The following ATP1A1 variants were observed in gnomAD, a reference collection of about 807,000 sequenced individuals.
ATP1A1 encodes ATPase Na+/K+ transporting subunit alpha 1.
Under a neutral mutation model 114.8 loss-of-function variants are expected in ATP1A1, and 14 were observed. The ratio of observed to expected loss-of-function variants is 0.12; its 90% CI spans 0.08 to 0.19. The LOEUF is 0.19. Among genes scored for constraint, ATP1A1 ranks in the 10% least tolerant of loss-of-function variants. The pLI is 1.00. For missense variants in ATP1A1, 524 were observed against 1,290.7 expected (o/e 0.41, Z 9.10); for synonymous variants, 471 against 466.3 (o/e 1.01, Z -0.13).
At chr1:116,386,845 T>C in intron 3 of ATP1A1, among the ~76,000 whole-genome samples, 1 of 152,230 alleles carries the variant, frequency 6.6e-6, no homozygotes, top group Non-Finnish European at 1.5e-5. Flanking sequence ...GAAGTTTTTT[T>C]CTCCTTTGAT....
chr1:116,389,059 T>A lies in ATP1A1; in HGVS notation c.754+40T>A, dbSNP rs746499050. ...GGCACTTTGAGCATGGCGTGGTATTTCTCTTGGGCATTAACAAAATCAAAA... is the reference window on the plus strand; with the variant it reads ...GGCACTTTGAGCATGGCGTGGTATTACTCTTGGGCATTAACAAAATCAAAA... On this transcript the variant is annotated intron_variant, in intron 7 of 22. Coordinates refer to ENST00000295598, the MANE Select transcript of ATP1A1 (RefSeq NM_000701.8). This position sits in a 1 kb window ranked among gnomAD's most constrained non-coding sequence, Gnocchi z 6.9. 1 of 1,535,980 alleles carries A rather than the reference T, an allele frequency of 6.5e-7. No homozygotes were observed. Among genetic ancestry groups the A allele is most frequent in the Non-Finnish European group, 9.0e-7 (1 of 1,112,572 alleles).
At chr1:116,377,700 T>G (rs1651462730) in intron 1 of ATP1A1, among the ~76,000 whole-genome samples, 1 of 152,234 alleles carries the variant, frequency 6.6e-6, no homozygotes, top group Non-Finnish European at 1.5e-5. Context: ...CTGTGCTGAC[T>G]TCTTCTAGCT....
At chr1:116,376,839 A>C (rs1171409828) in intron 1 of ATP1A1, among the ~76,000 whole-genome samples, 2 of 152,248 alleles carry the variant, frequency 1.3e-5, no homozygotes, top group Non-Finnish European at 2.9e-5. Context: ...GTTTGCCCAG[A>C]TGAGGGCTAA....
At position 116,399,206 on chromosome 1, in the gene ATP1A1, A is replaced by T; in HGVS notation, c.2448+122A>T. On this transcript the variant is annotated intron_variant, in intron 17 of 22. Coordinates refer to ENST00000295598, the MANE Select transcript of ATP1A1 (RefSeq NM_000701.8). This position sits in a 1 kb window ranked among gnomAD's most constrained non-coding sequence, Gnocchi z 5.0. The stretch of plus-strand genomic sequence containing the variant: ...GGGAAAAGAAATTCTCAGGACCAGT[A>T]TCCAGTGTGTGTCCCAATCCCGGCT... 1 of 1,460,326 alleles carries T rather than the reference A, an allele frequency of 6.8e-7. No homozygotes were observed. The highest frequency in any genetic ancestry group is 9.4e-7 in the Non-Finnish European group (1 of 1,063,402). 90.5% of individuals were successfully genotyped at this position (1,460,326 alleles called of 1,614,324 possible).
chr1:116,386,258 CTG>C (rs1286846331), intron 3 of ATP1A1: 1 of 151,590 alleles, frequency 6.6e-6, no homozygotes, highest in African/African-American at 2.4e-5. Flanking sequence ...AACAGTGACT[CTG>C]TGCTTACTTT....
Position 116,404,579 on chromosome 1 carries a change from G to C in ATP1A1, c.*135G>C. On this transcript the variant is annotated 3_prime_UTR_variant, in exon 23 of 23. Coordinates refer to ENST00000295598, the MANE Select transcript of ATP1A1 (RefSeq NM_000701.8). The surrounding 1 kb of genome is among the most constrained non-coding windows in gnomAD (Gnocchi z 4.8). ...AGCACCGCAGCATGTGGGGAAGCAA[G>C]ACGTCCTGGAATGAAGCATGTAGCT... 1 of 1,406,234 alleles carries C rather than the reference G, an allele frequency of 7.1e-7. No individual in the cohort carries two copies. The highest frequency in any genetic ancestry group is 9.2e-7 in the Non-Finnish European group (1 of 1,082,132). 87.1% of individuals were successfully genotyped at this position (1,406,234 alleles called of 1,614,324 possible).
At chr1:116,390,711 T>C (rs543908806) in intron 9 of ATP1A1, 71 bp from the exon 10 acceptor site, 3 of 1,263,036 alleles carry the variant, frequency 2.4e-6, no homozygotes, top group Non-Finnish European at 3.4e-6. Flanking sequence ...GGGACTTTAA[T>C]AGGAGAACTG....
At chr1:116,383,258 C>A in intron 1 of ATP1A1, 1 of 628,232 alleles carries the variant, frequency 1.6e-6, no homozygotes, top group Non-Finnish European at 2.0e-6. Flanking sequence ...GCTGGGCGCT[C>A]CCTTTTTTAT....
In ATP1A1 at chr1:116,401,505, A is replaced by G; in HGVS notation, c.2850-49A>G. 6.3e-7 allele frequency: 1 copy of G among 1,580,882 alleles called. No individual in the cohort carries two copies. The highest frequency in any genetic ancestry group is 1.1e-5 in the South Asian group (1 of 90,110). On this transcript the variant is annotated intron_variant, in intron 20 of 22. Coordinates refer to ENST00000295598, the MANE Select transcript of ATP1A1 (RefSeq NM_000701.8). This position sits in a 1 kb window ranked among gnomAD's most constrained non-coding sequence, Gnocchi z 4.7. ...TTTTAATGCATAGCATTAGAAGATA[A>G]ACCTTTATTTGCACCTTTTAAGTTT...
At position 116,401,450 on chromosome 1, in the gene ATP1A1, C is replaced by G. The variant is rs1653470678; in HGVS notation, c.2850-104C>G. The G allele has an allele frequency of 6.4e-6, 9 of 1,412,936 alleles. No homozygotes were observed. Among genetic ancestry groups the G allele is most frequent in the African/African-American group, 5.7e-5 (4 of 69,748 alleles). 87.5% of individuals were successfully genotyped at this position (1,412,936 alleles called of 1,614,324 possible). On this transcript the variant is annotated intron_variant, in intron 20 of 22. Transcript: ENST00000295598. This position sits in a 1 kb window ranked among gnomAD's most constrained non-coding sequence, Gnocchi z 4.7. Reference sequence around the variant, plus strand: ...CATCTGACCTCCAAGTTTTCAAGTACAGCTAATACATAAAGATGTTGATCT... The same window carrying G: ...CATCTGACCTCCAAGTTTTCAAGTAGAGCTAATACATAAAGATGTTGATCT...
In ATP1A1 at chr1:116,401,340, CAT is replaced by C. The variant is rs1653460912; in HGVS notation, c.2849+83_2849+84del. ...TGTAAACCCTTTGCCAAAAACTAAA[CAT>C]ATGACACATATAGCCAGGTTTCTGG... On this transcript the variant is annotated intron_variant, in intron 20 of 22. Transcript: ENST00000295598. This position sits in a 1 kb window ranked among gnomAD's most constrained non-coding sequence, Gnocchi z 4.7. The C allele has an allele frequency of 2.5e-6, 4 of 1,593,852 alleles. No individual in the cohort carries two copies. Among genetic ancestry groups the C allele is most frequent in the Non-Finnish European group, 2.6e-6 (3 of 1,165,152 alleles).
At chr1:116,392,769 T>G in intron 10 of ATP1A1, 85 bp from the exon 11 acceptor site, 2 of 1,486,154 alleles carry the variant, frequency 1.3e-6, no homozygotes, top group Non-Finnish European at 1.8e-6. Context: ...GATTGGAATG[T>G]GTCTTGAGTT....
rs773312833 is a variant in ATP1A1, at chr1:116,384,091, G to A, written c.90G>A (p.Arg30=). The part of the protein sequence containing the change: ...DKKGKKGKKD[R]DMDELKKEVS... ...AGGGCAAAAAGGGCAAAAAAGACAG[G>A]GACATGGATGAACTGAAGAAAGAAG... Residue 30 remains arginine, a synonymous_variant, in exon 2 of 23, where the codon AGG becomes AGA. Coordinates refer to ENST00000295598, the MANE Select transcript of ATP1A1 (RefSeq NM_000701.8). This position sits in a 1 kb window ranked among gnomAD's most constrained non-coding sequence, Gnocchi z 5.1. 1 of 1,613,958 alleles carries A rather than the reference G, an allele frequency of 6.2e-7. No homozygotes were observed. Among genetic ancestry groups the A allele is most frequent in the Non-Finnish European group, 8.5e-7 (1 of 1,179,888 alleles).
chr1:116,384,262 G>A lies in ATP1A1; in HGVS notation c.123+138G>A, dbSNP rs189899750. ...GCAGCTGTACAGATCTCATCTAGTC[G>A]TAGAGGTTAATGTTGAACATATACT... On this transcript the variant is annotated intron_variant, in intron 2 of 22. Coordinates refer to ENST00000295598, the MANE Select transcript of ATP1A1 (RefSeq NM_000701.8). This position sits in a 1 kb window ranked among gnomAD's most constrained non-coding sequence, Gnocchi z 5.1. The A allele has an allele frequency of 1.7e-4, 121 of 712,320 alleles. No homozygotes were observed. The East Asian group carries it at 3.2e-3, about 19-fold the overall frequency. 44.1% of individuals were successfully genotyped at this position (712,320 alleles called of 1,614,324 possible). A position where few individuals can be genotyped will look rare whatever the true frequency, so the allele number is the denominator to read the frequency against.
At position 116,398,825 on chromosome 1, in the gene ATP1A1, T is replaced by C. The variant is rs1169145682; in HGVS notation, c.2293+36T>C. ...TTTAAGGTGTACACCAAGATCTTAT[T>C]CAGATACTGCCCATTAGCATCCATT... On this transcript the variant is annotated intron_variant, in intron 16 of 22. Transcript: ENST00000295598. This position sits in a 1 kb window ranked among gnomAD's most constrained non-coding sequence, Gnocchi z 6.1. 2.5e-6 allele frequency: 4 copies of C among 1,611,360 alleles called. No individual in the cohort carries two copies. In the Admixed American group the frequency reaches 5.0e-5, roughly 20 times the overall value.
chr1:116,376,925 T>C (rs1436909586), intron 1 of ATP1A1, among the ~76,000 whole-genome samples: 2 of 152,268 alleles, frequency 1.3e-5, no homozygotes, highest in Non-Finnish European at 2.9e-5. Context: ...CAACATCTTA[T>C]AGCACAATAG....
intron 9 of ATP1A1, 104 bp downstream of exon 9, chr1:116,390,515 G>A: frequency 4.3e-6 from 5 of 1,171,650 alleles, no homozygotes; most frequent in Non-Finnish European, 5.9e-6. Context: ...TAAGCTCATG[G>A]CAGCTTTTTC....
In ATP1A1 at chr1:116,388,306, G is replaced by T; in HGVS notation, c.501+62G>T. On this transcript the variant is annotated intron_variant, in intron 5 of 22. Coordinates refer to ENST00000295598, the MANE Select transcript of ATP1A1 (RefSeq NM_000701.8). The surrounding 1 kb of genome is among the most constrained non-coding windows in gnomAD (Gnocchi z 5.6). ...GACAGCCCCAAGCATGTCAGCCTGT[G>T]AATTAGTGTGAAGTTAAGGTTTTCC... 1 of 1,327,130 alleles carries T rather than the reference G, an allele frequency of 7.5e-7. No homozygotes were observed. Among genetic ancestry groups the T allele is most frequent in the South Asian group, 1.2e-5 (1 of 83,980 alleles). 82.2% of individuals were successfully genotyped at this position (1,327,130 alleles called of 1,614,324 possible).
chr1:116,404,459 C>A lies in ATP1A1; in HGVS notation c.*15C>A. 1 of 1,607,646 alleles carries A rather than the reference C, an allele frequency of 6.2e-7. No individual in the cohort carries two copies. Among genetic ancestry groups the A allele is most frequent in the Non-Finnish European group, 8.5e-7 (1 of 1,178,178 alleles). ...CCTACTATTAGCCCCCCGTCCTGCA[C>A]GCCGTGGAGCATCAGGCCACACACT... On this transcript the variant is annotated 3_prime_UTR_variant, in exon 23 of 23. Coordinates refer to ENST00000295598, the MANE Select transcript of ATP1A1 (RefSeq NM_000701.8). The surrounding 1 kb of genome is among the most constrained non-coding windows in gnomAD (Gnocchi z 4.8).
Sources: allele counts gnomAD v4.1 joint callset (sites outside exome capture counted in the v4.1 genomes callset), GRCh38; gene constraint gnomAD v4.1.1; non-coding constraint Gnocchi (gnomAD v3.1); transcripts MANE v1.5; gene names NCBI Gene and HGNC (gene_info 2026-07-23, HGNC 2026-07-21).